The following LSAMP variants were observed in gnomAD, a reference collection of about 807,000 sequenced individuals.
The protein encoded by LSAMP is limbic system associated membrane protein.
In LSAMP, 7 loss-of-function variants were observed where a neutral mutation model predicts 38.6. The observed-to-expected ratio is 0.18, with a 90% CI of 0.10 to 0.34. The LOEUF (loss-of-function observed/expected upper bound fraction) is 0.34, where lower values mean the gene tolerates loss of function less well. Among genes scored for constraint, LSAMP ranks in the 10% least tolerant of loss-of-function variants. LSAMP has a pLI of 1.00. For synonymous variants in LSAMP, 154 were observed against 166.8 expected (o/e 0.92, Z 0.59); for missense variants, 313 against 420.0 (o/e 0.75, Z 2.23).
intron 1 of LSAMP, among the ~76,000 whole-genome samples, chr3:116,426,726 T>C (rs1371443661): frequency 6.6e-6 from 1 of 152,184 alleles, no homozygotes; most frequent in Admixed American, 6.5e-5. Context: ...GTATCTTCTC[T>C]CTTTGTCCTG....
intron 1 of LSAMP, among the ~76,000 whole-genome samples, chr3:116,089,940 T>G (rs1468581678): frequency 1.3e-5 from 2 of 152,100 alleles, no homozygotes; most frequent in African/African-American, 4.8e-5. Context: ...TAAAACTTTC[T>G]TAATAAAAAA....
intron 1 of LSAMP, among the ~76,000 whole-genome samples, chr3:116,231,359 C>A (rs1047763749): frequency 6.6e-6 from 1 of 152,166 alleles, no homozygotes; most frequent in Admixed American, 6.5e-5. Context: ...GAGCCAGGTT[C>A]TTCATCTTCT....
chr3:116,278,959 G>A (rs2047090663), intron 1 of LSAMP, among the ~76,000 whole-genome samples: 1 of 152,178 alleles, frequency 6.6e-6, no homozygotes, highest in Non-Finnish European at 1.5e-5. Flanking sequence ...TGCCCTGGGA[G>A]AATACATATG....
chr3:116,170,908 A>G lies in LSAMP; in HGVS notation c.156-84352T>C, dbSNP rs1439686354. Among the ~76,000 whole-genome samples, 55 of 151,848 alleles carry G rather than the reference A, an allele frequency of 3.6e-4. 1 individual carries two copies. Among genetic ancestry groups the G allele is most frequent in the Admixed American group, 3.6e-3 (55 of 15,252 alleles). The stretch of plus-strand genomic sequence containing the variant: ...TGTGGTTCCTGGCTCTTCTTTCTCT[A>G]TGTTCGTTCAATCCTGAGGTGCAAG... On this transcript the variant is annotated intron_variant, in intron 1 of 6. Transcript: ENST00000490035.
chr3:115,904,623 C>G (rs1433938529), intron 3 of LSAMP, among the ~76,000 whole-genome samples: 3 of 152,142 alleles, frequency 2.0e-5, no homozygotes, highest in Non-Finnish European at 2.9e-5. Flanking sequence ...CAGATCTACC[C>G]TTCACTCTCA....
chr3:116,201,801 C>A (rs1484929438), intron 1 of LSAMP, among the ~76,000 whole-genome samples: 1 of 152,098 alleles, frequency 6.6e-6, no homozygotes, highest in Non-Finnish European at 1.5e-5. Context: ...TCTTTCCTGA[C>A]CAAGGAAAAG....
At chr3:116,317,507 C>T (rs1431843182) in intron 1 of LSAMP, among the ~76,000 whole-genome samples, 1 of 152,150 alleles carries the variant, frequency 6.6e-6, no homozygotes, top group Non-Finnish European at 1.5e-5. Context: ...AGGCGCCCGC[C>T]ACCACGTCTG....
intron 2 of LSAMP, among the ~76,000 whole-genome samples, chr3:116,037,062 C>T (rs966931727): frequency 9.2e-5 from 14 of 152,082 alleles, no homozygotes; most frequent in African/African-American, 3.1e-4. Flanking sequence ...ATAATCAATG[C>T]AAGGACTCGG....
intron 1 of LSAMP, among the ~76,000 whole-genome samples, chr3:116,296,422 C>T (rs2047333926): frequency 1.3e-5 from 2 of 152,092 alleles, no homozygotes; most frequent in African/African-American, 2.4e-5. Flanking sequence ...AATGATTTAT[C>T]TTTAAGAAAC....
At chr3:115,980,293 G>GT (rs1179594165) in intron 3 of LSAMP, among the ~76,000 whole-genome samples, 4 of 151,944 alleles carry the variant, frequency 2.6e-5, no homozygotes, top group African/African-American at 7.2e-5. Flanking sequence ...AAGATTGTAA[G>GT]TTTTTTTGTT....
intron 1 of LSAMP, among the ~76,000 whole-genome samples, chr3:116,219,091 A>G (rs964300246): frequency 5.3e-5 from 8 of 152,202 alleles, no homozygotes; most frequent in Admixed American, 2.6e-4. Flanking sequence ...CACTTTATGC[A>G]CATTGATTAG....
chr3:115,852,757 C>A, intron 3 of LSAMP, 140 bp from the exon 4 acceptor site: 1 of 800,566 alleles, frequency 1.2e-6, no homozygotes, highest in South Asian at 2.2e-5. Context: ...TCAGATTCCA[C>A]AGAAGCAGAC....
chr3:116,294,601 A>G (rs1307512941), intron 1 of LSAMP, among the ~76,000 whole-genome samples: 2 of 152,242 alleles, frequency 1.3e-5, no homozygotes, highest in Non-Finnish European at 2.9e-5. Flanking sequence ...TATAGTAATC[A>G]GTGTTTCCTA....
At chr3:116,130,267 G>A (rs1266135256) in intron 1 of LSAMP, among the ~76,000 whole-genome samples, 2 of 152,014 alleles carry the variant, frequency 1.3e-5, no homozygotes, top group Admixed American at 6.6e-5. Flanking sequence ...GGAGTCCTTC[G>A]GAAGGTCATT....
intron 1 of LSAMP, among the ~76,000 whole-genome samples, chr3:116,270,218 T>A (rs2046953524): frequency 6.6e-6 from 1 of 152,130 alleles, no homozygotes; most frequent in Non-Finnish European, 1.5e-5. Context: ...CCGCAGACCC[T>A]TTTAGTCACA....
chr3:116,236,885 A>T (rs1022386618), intron 1 of LSAMP, among the ~76,000 whole-genome samples: 1 of 151,922 alleles, frequency 6.6e-6, no homozygotes, highest in East Asian at 1.9e-4. Flanking sequence ...AAAACAAAAT[A>T]ACTATACTAG....
chr3:115,970,729 G>T (rs1347839695), intron 3 of LSAMP, among the ~76,000 whole-genome samples: 1 of 152,002 alleles, frequency 6.6e-6, no homozygotes, highest in East Asian at 1.9e-4. Context: ...AGATTGTTAG[G>T]GTGGAAATGT....
chr3:115,829,641 G>C (rs1426490984), intron 6 of LSAMP, among the ~76,000 whole-genome samples: 1 of 152,186 alleles, frequency 6.6e-6, no homozygotes, highest in African/African-American at 2.4e-5. Flanking sequence ...GTGTATGAAG[G>C]GCATCCGCTG....
chr3:116,238,825 AT>A (rs2107635922), intron 1 of LSAMP, among the ~76,000 whole-genome samples: 1 of 149,570 alleles, frequency 6.7e-6, no homozygotes, highest in East Asian at 2.0e-4. Context: ...TGTGCTCAAT[AT>A]AAAAATGAAA....
Sources: gnomAD v4.1 joint callset for allele counts (sites outside exome capture counted in the v4.1 genomes callset) on GRCh38, gnomAD v4.1.1 for gene constraint, MANE v1.5 for transcripts, NCBI Gene and HGNC (gene_info 2026-07-23, HGNC 2026-07-21) for gene names.